Variants in EPSTI1 observed in about 807,000 individuals in gnomAD.
The protein encoded by EPSTI1 is epithelial stromal interaction 1, also known as epithelial-stromal interaction protein 1.
EPSTI1 carries 66 observed loss-of-function variants against 49.9 expected under a neutral mutation model. The observed-to-expected ratio is 1.32, with a 90% confidence interval of 1.08 to 1.62. The LOEUF (loss-of-function observed/expected upper bound fraction) is 1.62. Ranked by LOEUF, EPSTI1 falls within the 40% of genes most tolerant of loss-of-function variation. The pLI is 0.00. For synonymous variants in EPSTI1, 137 were observed against 130.7 expected, an observed-to-expected ratio of 1.05 and a Z score of -0.33; for missense variants, 394 against 365.5, an observed-to-expected ratio of 1.08 and a Z score of -0.64.
At chr13:42,963,701 G>T in intron 4 of EPSTI1, 1 of 290,916 alleles carries the variant, frequency 3.4e-6, no homozygotes, top group Non-Finnish European at 6.3e-6. Context: ...AAATCGCTGG[G>T]AATCTTAAAT....
intron 1 of EPSTI1, among the ~76,000 whole-genome samples, chr13:42,990,907 G>C (rs1000613984): frequency 6.6e-6 from 1 of 152,210 alleles, no homozygotes; most frequent in South Asian, 2.1e-4. Context: ...CAGTGATGTT[G>C]TGATAAACCA....
intron 1 of EPSTI1, among the ~76,000 whole-genome samples, chr13:42,981,549 G>C (rs9315978): frequency 6.6e-6 from 1 of 151,942 alleles, no homozygotes; most frequent in South Asian, 2.1e-4. Context: ...CCACAAATGC[G>C]TACCATACTG....
intron 1 of EPSTI1, among the ~76,000 whole-genome samples, chr13:42,986,843 T>A (rs1215534302): frequency 6.6e-6 from 1 of 151,666 alleles, no homozygotes; most frequent in Non-Finnish European, 1.5e-5. Flanking sequence ...GGCCACTGAT[T>A]TAATCAATTA....
intron 8 of EPSTI1, among the ~76,000 whole-genome samples, chr13:42,912,585 A>G (rs1036612798): frequency 1.3e-5 from 2 of 152,270 alleles, no homozygotes; most frequent in African/African-American, 4.8e-5. Flanking sequence ...ATGGAAAGAA[A>G]AAAACAGTTA....
intron 8 of EPSTI1, among the ~76,000 whole-genome samples, chr13:42,901,463 C>T (rs1002972949): frequency 1.3e-5 from 2 of 152,146 alleles, no homozygotes; most frequent in Non-Finnish European, 2.9e-5. Context: ...CTATATAACA[C>T]TAATAAGGGG....
intron 7 of EPSTI1, among the ~76,000 whole-genome samples, chr13:42,920,808 T>A (rs2037970746): frequency 6.6e-6 from 1 of 152,150 alleles, no homozygotes; most frequent in African/African-American, 2.4e-5. Flanking sequence ...CTCTTTGAAG[T>A]TTTTTTCTGC....
At chr13:42,920,722 A>G (rs913618531) in intron 7 of EPSTI1, among the ~76,000 whole-genome samples, 3 of 152,236 alleles carry the variant, frequency 2.0e-5, no homozygotes, top group African/African-American at 7.2e-5. Context: ...AGACAGCAGC[A>G]GTGGACAAAT....
At chr13:42,906,854 T>C (rs546557373) in intron 8 of EPSTI1, among the ~76,000 whole-genome samples, 2 of 152,350 alleles carry the variant, frequency 1.3e-5, no homozygotes, top group South Asian at 4.1e-4. Flanking sequence ...ATTTTTAATT[T>C]TTTAATTGAC....
At chr13:42,919,217 T>TAAAG in intron 7 of EPSTI1, 1 of 1,327,444 alleles carries the variant, frequency 7.5e-7, no homozygotes, top group South Asian at 1.2e-5. Context: ...AGGTGCCTTA[T>TAAAG]AAAGGTCCAC....
chr13:42,966,716 C>T (rs1262703968), intron 3 of EPSTI1, among the ~76,000 whole-genome samples: 1 of 88,514 alleles, frequency 1.1e-5, no homozygotes, highest in African/African-American at 3.4e-5. Context: ...CCCGCCCGGC[C>T]AGCCGCCCCG....
intron 6 of EPSTI1, among the ~76,000 whole-genome samples, chr13:42,951,333 A>G (rs1236693406): frequency 6.6e-6 from 1 of 152,206 alleles, no homozygotes; most frequent in African/African-American, 2.4e-5. Flanking sequence ...TTTTAATTTC[A>G]AAAGTAATTC....
intron 1 of EPSTI1, among the ~76,000 whole-genome samples, chr13:42,990,052 A>G (rs1476675329): frequency 1.3e-5 from 2 of 152,234 alleles, no homozygotes; most frequent in East Asian, 3.9e-4. Context: ...CAAGTGAGAA[A>G]GTGAATCTAA....
At chr13:42,967,566 A>G (rs2039654783) in intron 3 of EPSTI1, among the ~76,000 whole-genome samples, 1 of 152,234 alleles carries the variant, frequency 6.6e-6, no homozygotes, top group Non-Finnish European at 1.5e-5. Flanking sequence ...ATCTAAAGGG[A>G]CTTGCCTATG....
At chr13:42,890,253 T>G (rs1248919187) in intron 10 of EPSTI1, among the ~76,000 whole-genome samples, 1 of 152,016 alleles carries the variant, frequency 6.6e-6, no homozygotes, top group Non-Finnish European at 1.5e-5. Context: ...ATTTATTTAT[T>G]CCACAGCATC....
At chr13:42,905,953 G>A (rs879044604) in intron 8 of EPSTI1, among the ~76,000 whole-genome samples, 3 of 152,210 alleles carry the variant, frequency 2.0e-5, no homozygotes, top group African/African-American at 4.8e-5. Flanking sequence ...GCATACAAAC[G>A]AGGGTAGGTT....
At position 42,974,613 on chromosome 13, in the gene EPSTI1, T is replaced by G. The variant is rs1041781860; in HGVS notation, c.189-3943A>C. Among the ~76,000 whole-genome samples, 4 of 150,638 alleles carry G rather than the reference T, an allele frequency of 2.7e-5. No homozygotes were observed. The South Asian group carries it at 8.4e-4, about 32-fold the overall frequency. On this transcript the variant is annotated intron_variant, in intron 1 of 10. Coordinates refer to ENST00000313624, the MANE Select transcript of EPSTI1 (RefSeq NM_033255.5). ...GGCGGAGCTTGCAGTGAGCCGAGAT[T>G]GCGCCACTGCACTCCCGCCTGGGCG...
At chr13:42,969,246 C>A in intron 2 of EPSTI1, 69 bp from the exon 3 acceptor site, 1 of 1,455,552 alleles carries the variant, frequency 6.9e-7, no homozygotes, top group African/African-American at 1.4e-5. Flanking sequence ...CCCTTCAAAG[C>A]ATAAGAAACA....
In EPSTI1 at chr13:42,938,872, G is replaced by A. The variant is rs200871074; in HGVS notation, c.564-12443C>T. ...GGAGGTTGCAGTGAGCTGAGATTGC[G>A]CCACTGCACTCCAGCCTGGGAGACA... On this transcript the variant is annotated intron_variant, in intron 6 of 10. Transcript: ENST00000313624. Among the ~76,000 whole-genome samples, 13 of 122,682 alleles carry A rather than the reference G, an allele frequency of 1.1e-4. No individual in the cohort carries two copies. The Middle Eastern group carries it at 0.021, about 194-fold the overall frequency. 80.5% of individuals were successfully genotyped at this position (122,682 alleles called of 152,430 possible).
At position 42,992,180 on chromosome 13, in the gene EPSTI1, G is replaced by C. The variant is rs920253203; in HGVS notation, c.-15C>G. 6 of 1,533,194 alleles carry C rather than the reference G, an allele frequency of 3.9e-6. No homozygotes were observed. The highest frequency in any genetic ancestry group is 4.3e-5 in the Admixed American group (2 of 46,078). The allele number at this position is 1,533,194 out of a possible 1,614,324, so 95.0% of individuals were successfully genotyped here. On this transcript the variant is annotated 5_prime_UTR_variant, in exon 1 of 11. Transcript: ENST00000313624. ...CGGGTGTTCATGGTTCACAGCCCGC[G>C]GGTCCCGGGCCGCCGTCGCTGCGGG...
Sources: allele counts gnomAD v4.1 joint callset (sites outside exome capture counted in the v4.1 genomes callset), GRCh38; gene constraint gnomAD v4.1.1; transcripts MANE v1.5; gene names NCBI Gene and HGNC (gene_info 2026-07-23, HGNC 2026-07-21).